The following SLC16A3 variants were observed in gnomAD, a reference collection of about 807,000 sequenced individuals.
The protein encoded by SLC16A3 is monocarboxylate transporter 4.
SLC16A3 carries 22 observed loss-of-function variants against 25.0 expected under a neutral mutation model. The observed-to-expected ratio is 0.88, with a 90% CI of 0.63 to 1.26. The LOEUF (loss-of-function observed/expected upper bound fraction) is 1.26, where lower values mean the gene tolerates loss of function less well. Ranked by LOEUF, SLC16A3 falls within the 50% of genes most tolerant of loss-of-function variation. The pLI, the probability that SLC16A3 is intolerant of heterozygous loss-of-function variation, is 0.00. For missense variants in SLC16A3, 731 were observed against 666.6 expected, an observed-to-expected ratio of 1.10 and a Z score of -1.06; for synonymous variants, 390 against 309.2, an observed-to-expected ratio of 1.26 and a Z score of -2.74.
At position 82,237,612 on chromosome 17, in the gene SLC16A3, C is replaced by T. The variant is rs2050641214; in HGVS notation, c.842C>T (p.Ala281Val). 3.7e-6 allele frequency: 6 copies of T among 1,612,694 alleles called. No homozygotes were observed. The highest frequency in any genetic ancestry group is 4.2e-6 in the Non-Finnish European group (5 of 1,179,822). Residue 281 changes from alanine (A) to valine (V), a missense_variant, in exon 4 of 5, where the codon GCG becomes GTG. Transcript: ENST00000582743. ...GFIDIFARPA[A>V]GFVAGLGKVR... is the part of the protein sequence containing the mutation. ...ATTGACATCTTCGCGCGGCCGGCCG[C>T]GGGCTTCGTGGCGGGGCTTGGGAAG...
intron 1 of SLC16A3, among the ~76,000 whole-genome samples, chr17:82,219,741 G>C (rs1006520656): frequency 6.6e-6 from 1 of 152,124 alleles, no homozygotes. Context: ...ACTGAAAGGC[G>C]GGGGGTCTGC....
In SLC16A3 at chr17:82,239,077, G is replaced by A. The variant is rs551936397; in HGVS notation, c.*101G>A. 5.5e-3 allele frequency: 6,603 copies of A among 1,206,484 alleles called. 29 individuals carry two copies. The highest frequency in any genetic ancestry group is 6.7e-3 in the Non-Finnish European group (5,965 of 887,280). 74.7% of individuals were successfully genotyped at this position (1,206,484 alleles called of 1,614,324 possible). A position where few individuals can be genotyped will look rare whatever the true frequency, so the allele number is the denominator to read the frequency against. On this transcript the variant is annotated 3_prime_UTR_variant, in exon 5 of 5. Coordinates refer to ENST00000582743, the MANE Select transcript of SLC16A3 (RefSeq NM_004207.4). ...GACTGGCTCAGGCAGGGCCACGGCT[G>A]GGCTCCAGCTGCCGGCCCAGCGGAT...
chr17:82,232,831 C>G (rs1310853786), intron 1 of SLC16A3, among the ~76,000 whole-genome samples: 3 of 149,886 alleles, frequency 2.0e-5, no homozygotes, highest in Non-Finnish European at 4.4e-5. Context: ...GACCTGCTCT[C>G]CGGGCAGCCC....
chr17:82,228,962 C>T (rs926622381), upstream of SLC16A3: 4 of 149,058 alleles, frequency 2.7e-5, no homozygotes, highest in Admixed American at 1.3e-4. Context: ...GCAGGGGCGG[C>T]GCCAGGCGGT....
rs755190188 is a variant in SLC16A3 at position 82,237,217 on chromosome 17, C to G, written c.447C>G (p.Asn149Lys). 1.7e-5 allele frequency: 26 copies of G among 1,544,380 alleles called. No homozygotes were observed. The highest frequency in any genetic ancestry group is 2.2e-5 in the Non-Finnish European group (25 of 1,144,668). Reference protein sequence around the residue: ...RYFSKRRPMANGLAAAGSPVF... With the variant: ...RYFSKRRPMAKGLAAAGSPVF... ...TCAGCAAGCGGCGCCCCATGGCCAA[C>G]GGGCTGGCGGCAGCAGGTAGCCCTG... The change falls in exon 4 of 5, where the codon AAC becomes AAG. Residue 149 changes from asparagine to lysine, a missense_variant. Asn to Lys is a moderately conservative substitution (Grantham distance 94). Coordinates refer to ENST00000582743, the MANE Select transcript of SLC16A3 (RefSeq NM_004207.4).
chr17:82,223,732 AAG>A (rs1418792075), upstream of SLC16A3, among the ~76,000 whole-genome samples: 3 of 152,014 alleles, frequency 2.0e-5, no homozygotes, highest in African/African-American at 7.3e-5. Context: ...TTTACAGAGC[AAG>A]AGACTGAGGT....
chr17:82,231,542 A>T (rs2147117392), intron 1 of SLC16A3: 1 of 152,012 alleles, frequency 6.6e-6, no homozygotes, highest in South Asian at 2.1e-4. Flanking sequence ...GAGGTGGGGG[A>T]CGGCGGCTCT....
chr17:82,236,890 G>A lies in SLC16A3; in HGVS notation c.367+18G>A. 6.2e-7 allele frequency: 1 copy of A among 1,602,328 alleles called. No individual in the cohort carries two copies. Among genetic ancestry groups the A allele is most frequent in the South Asian group, 1.1e-5 (1 of 90,982 alleles). On this transcript the variant is annotated intron_variant, in intron 3 of 4. Coordinates refer to ENST00000582743, the MANE Select transcript of SLC16A3 (RefSeq NM_004207.4). Reference sequence around the variant, plus strand: ...CATCACGGGTGAGTGGGGCCGGCCGGTGGGCCGCACGTGCCAGGAGGGGCA... The same window carrying A: ...CATCACGGGTGAGTGGGGCCGGCCGATGGGCCGCACGTGCCAGGAGGGGCA...
chr17:82,223,237 T>C (rs530495188), intron 1 of SLC16A3, among the ~76,000 whole-genome samples: 3 of 152,084 alleles, frequency 2.0e-5, no homozygotes, highest in East Asian at 1.9e-4. Flanking sequence ...GGCTGGAGTA[T>C]AGTGTCGCGA....
chr17:82,219,096 C>T (rs1264066373), intron 1 of SLC16A3, among the ~76,000 whole-genome samples: 1 of 152,082 alleles, frequency 6.6e-6, no homozygotes, highest in Non-Finnish European at 1.5e-5. Flanking sequence ...GGGGCCACCC[C>T]AGGCAGGTGT....
upstream of SLC16A3, among the ~76,000 whole-genome samples, chr17:82,223,663 C>T (rs1330880077): frequency 6.6e-6 from 1 of 152,080 alleles, no homozygotes; most frequent in African/African-American, 2.4e-5. Flanking sequence ...TGGGTGCATG[C>T]CACCACGTGT....
chr17:82,236,551 G>A, intron 2 of SLC16A3, 178 bp from the exon 3 acceptor site: 1 of 832,044 alleles, frequency 1.2e-6, no homozygotes, highest in East Asian at 2.6e-5. Flanking sequence ...CCAGCAGGCG[G>A]CGCTCACGTG....
intron 3 of SLC16A3, 28 bp downstream of exon 3, chr17:82,236,900 C>A: frequency 1.2e-6 from 2 of 1,600,150 alleles, no homozygotes; most frequent in South Asian, 1.1e-5. Flanking sequence ...GTGGGCCGCA[C>A]GTGCCAGGAG....
upstream of SLC16A3, among the ~76,000 whole-genome samples, chr17:82,227,707 G>A (rs2050435690): frequency 6.8e-6 from 1 of 147,398 alleles, no homozygotes; most frequent in African/African-American, 2.7e-5. Context: ...ACTAAGTAGA[G>A]TCTTCATCTG....
At chr17:82,228,848 C>T (rs1411749088), upstream of SLC16A3, among the ~76,000 whole-genome samples, 1 of 150,902 alleles carries the variant, frequency 6.6e-6, no homozygotes, top group Non-Finnish European at 1.5e-5. Context: ...GGGGCCGGTT[C>T]CGGTTGGGGG....
At chr17:82,232,915 C>CAGCG (rs2050521490) in intron 1 of SLC16A3, among the ~76,000 whole-genome samples, 1 of 682 alleles carries the variant, frequency 1.5e-3, no homozygotes, top group Non-Finnish European at 2.7e-3. Context: ...TCCTGGGGGG[C>CAGCG]GGCGGGGGGG....
intron 1 of SLC16A3, 21 bp downstream of exon 1, chr17:82,229,127 C>A (rs1355937429): frequency 1.3e-5 from 2 of 151,582 alleles, no homozygotes; most frequent in South Asian, 2.0e-4. Context: ...CCGCGATGCT[C>A]GCGCGCGGGC....
chr17:82,237,126 C>T lies in SLC16A3; in HGVS notation c.368-12C>T, dbSNP rs754074037. 21 of 1,497,066 alleles carry T rather than the reference C, an allele frequency of 1.4e-5. No homozygotes were observed. The highest frequency in any genetic ancestry group is 1.8e-5 in the Non-Finnish European group (20 of 1,121,630). The allele number at this position is 1,497,066 out of a possible 1,614,324, so 92.7% of individuals were successfully genotyped here. The stretch of plus-strand genomic sequence containing the variant: ...GCCTTGGGGGGCTCTCACCACATTC[C>T]CTTTCCTCCAGGGTTGGGTTTGGCA... On this transcript the variant is annotated splice_polypyrimidine_tract_variant and intron_variant, in intron 3 of 4. Coordinates refer to ENST00000582743, the MANE Select transcript of SLC16A3 (RefSeq NM_004207.4).
At chr17:82,231,331 G>T (rs1357109499) in intron 1 of SLC16A3, 1 of 152,114 alleles carries the variant, frequency 6.6e-6, no homozygotes, top group African/African-American at 2.4e-5. Flanking sequence ...CGAGGGTGGA[G>T]TTTTGGGTTC....
Sources: gnomAD v4.1 joint callset for allele counts (sites outside exome capture counted in the v4.1 genomes callset) on GRCh38, gnomAD v4.1.1 for gene constraint, MANE v1.5 for transcripts, NCBI Gene and HGNC (gene_info 2026-07-23, HGNC 2026-07-21) for gene names.